Variants in ATP8A2 observed in about 807,000 individuals in gnomAD.
ATP8A2 encodes phospholipid-transporting ATPase IB.
A neutral mutation model predicts 165.6 loss-of-function variants in ATP8A2; 100 were observed. That is an observed-to-expected ratio of 0.60 (90% CI 0.51 to 0.71). ATP8A2 has a LOEUF of 0.71. Among genes scored for constraint, ATP8A2 ranks in the 30% least tolerant of loss-of-function variants. The pLI, the probability that ATP8A2 is intolerant of heterozygous loss-of-function variation, is 0.00. For synonymous variants in ATP8A2, 543 were observed against 548.8 expected, an observed-to-expected ratio of 0.99 and a Z score of 0.15; for missense variants, 1,227 against 1,479.5, an observed-to-expected ratio of 0.83 and a Z score of 2.80.
At chr13:25,465,715 C>CTTTCTTTCTTTCTTTT (rs1566153329) in intron 1 of ATP8A2, among the ~76,000 whole-genome samples, 1 of 42,292 alleles carries the variant, frequency 2.4e-5, no homozygotes. Flanking sequence ...TTCTTTCTTT[C>CTTTCTTTCTTTCTTTT]TTTCTTTCTT....
rs567939063 is a variant in ATP8A2 at position 25,950,723 on chromosome 13, G to A, written c.3184-10852G>A. Reference sequence around the variant, plus strand: ...ATTTTGTTTAACTAGTCAAGGGCAAGGGCAGTAGTGAGAAGTGGGGAAAGA... The same window carrying A: ...ATTTTGTTTAACTAGTCAAGGGCAAAGGCAGTAGTGAGAAGTGGGGAAAGA... On this transcript the variant is annotated intron_variant, in intron 33 of 36. Coordinates refer to ENST00000381655, the MANE Select transcript of ATP8A2 (RefSeq NM_016529.6). 2.0e-5 allele frequency: 3 copies of A among 152,318 alleles called. No homozygotes were observed. The South Asian group carries it at 6.2e-4, about 32-fold the overall frequency. The allele number at this position is 152,318 out of a possible 1,614,324, so 9.4% of individuals were successfully genotyped here. A position where few individuals can be genotyped will look rare whatever the true frequency, so the allele number is the denominator to read the frequency against.
At chr13:25,858,792 T>C (rs760248987) in intron 30 of ATP8A2, among the ~76,000 whole-genome samples, 41 of 152,054 alleles carry the variant, frequency 2.7e-4, no homozygotes, top group Admixed American at 9.2e-4. Context: ...TAAAACCAAA[T>C]GCCACATGTT....
At chr13:25,473,831 T>A (rs1164092927) in intron 2 of ATP8A2, among the ~76,000 whole-genome samples, 1 of 152,220 alleles carries the variant, frequency 6.6e-6, no homozygotes, top group Non-Finnish European at 1.5e-5. Context: ...GGTGGTGAAT[T>A]TTTAATTTTA....
chr13:25,387,000 A>AAG (rs2033078557), intron 1 of ATP8A2, among the ~76,000 whole-genome samples: 1 of 150,988 alleles, frequency 6.6e-6, no homozygotes, highest in Admixed American at 6.6e-5. Context: ...CCATCTCAAA[A>AAG]AAAACAGAAC....
intron 24 of ATP8A2, among the ~76,000 whole-genome samples, chr13:25,637,604 G>T (rs1593703004): frequency 6.6e-6 from 1 of 152,276 alleles, no homozygotes; most frequent in Middle Eastern, 3.4e-3. Context: ...AAACAAAGCG[G>T]CCAGGAAGCT....
At chr13:25,841,409 A>G (rs1238773910) in intron 30 of ATP8A2, among the ~76,000 whole-genome samples, 1 of 152,182 alleles carries the variant, frequency 6.6e-6, no homozygotes, top group Non-Finnish European at 1.5e-5. Context: ...TTGAGCCTTC[A>G]GCATAGGGGT....
intron 24 of ATP8A2, among the ~76,000 whole-genome samples, chr13:25,644,682 T>C (rs546174729): frequency 6.6e-6 from 1 of 152,162 alleles, no homozygotes; most frequent in African/African-American, 2.4e-5. Context: ...CATCTAGCCT[T>C]GGGATTTTCT....
chr13:25,372,404 C>G lies in ATP8A2; in HGVS notation c.76+116C>G. The G allele has an allele frequency of 1.5e-6, 1 of 682,170 alleles. No individual in the cohort carries two copies. The allele number at this position is 682,170 out of a possible 1,614,324, so 42.3% of individuals were successfully genotyped here. ...CGCCCCGCTCCCCTCCCTGGGCTCC[C>G]TGGGCTCTCTGGGCTGCAGGATCCG... is the stretch of plus-strand genomic sequence containing the variant. On this transcript the variant is annotated intron_variant, in intron 1 of 36. Coordinates refer to ENST00000381655, the MANE Select transcript of ATP8A2 (RefSeq NM_016529.6). The surrounding 1 kb of genome is among the most constrained non-coding windows in gnomAD (Gnocchi z 4.8).
intron 2 of ATP8A2, among the ~76,000 whole-genome samples, chr13:25,488,360 CT>C (rs1330711938): frequency 4.6e-5 from 7 of 152,194 alleles, no homozygotes; most frequent in African/African-American, 1.7e-4. Context: ...CACCGTTCTA[CT>C]TTCTGTCCCT....
At chr13:25,476,176 A>G (rs555621330) in intron 2 of ATP8A2, among the ~76,000 whole-genome samples, 1 of 152,304 alleles carries the variant, frequency 6.6e-6, no homozygotes, top group East Asian at 1.9e-4. Flanking sequence ...AGGATGAAGA[A>G]TTCTCCTCTA....
At chr13:25,992,301 A>G (rs562210762) in intron 35 of ATP8A2, among the ~76,000 whole-genome samples, 2 of 149,238 alleles carry the variant, frequency 1.3e-5, no homozygotes, top group East Asian at 2.0e-4. Context: ...GTGTTTTCCT[A>G]ATGGTTAATG....
chr13:25,408,724 T>C (rs2033881978), intron 1 of ATP8A2, among the ~76,000 whole-genome samples: 1 of 152,212 alleles, frequency 6.6e-6, no homozygotes, highest in African/African-American at 2.4e-5. Context: ...AGACTGTTTA[T>C]AGTTAGAGAC....
intron 2 of ATP8A2, among the ~76,000 whole-genome samples, chr13:25,512,729 G>A (rs1253134402): frequency 2.1e-5 from 3 of 145,710 alleles, no homozygotes; most frequent in Admixed American, 6.7e-5. Flanking sequence ...TGGCCGGGCG[G>A]GGGGCTGACC....
intron 33 of ATP8A2, among the ~76,000 whole-genome samples, chr13:25,897,109 A>G (rs953341848): frequency 3.3e-4 from 50 of 152,250 alleles, no homozygotes; most frequent in African/African-American, 1.1e-3. Context: ...TCGTTAGTTG[A>G]TGCAGTTTCT....
chr13:25,546,289 T>C (rs1357254223), intron 10 of ATP8A2, among the ~76,000 whole-genome samples: 1 of 152,214 alleles, frequency 6.6e-6, no homozygotes, highest in East Asian at 1.9e-4. Context: ...GCAAGGCTTC[T>C]TGCATGTTGA....
At chr13:25,609,060 A>G (rs1392793206) in intron 24 of ATP8A2, among the ~76,000 whole-genome samples, 3 of 152,142 alleles carry the variant, frequency 2.0e-5, no homozygotes, top group Non-Finnish European at 1.5e-5. Flanking sequence ...AGCCTTACCG[A>G]TTAGATTACA....
chr13:25,567,089 C>A, intron 16 of ATP8A2: 1 of 273,968 alleles, frequency 3.7e-6, no homozygotes, highest in Non-Finnish European at 7.3e-6. Flanking sequence ...CTCTGGGGAC[C>A]CCCTACATGC....
chr13:25,852,081 G>A (rs778287815), intron 30 of ATP8A2, among the ~76,000 whole-genome samples: 2 of 152,080 alleles, frequency 1.3e-5, no homozygotes, highest in South Asian at 2.1e-4. Flanking sequence ...TCAGTCTGAC[G>A]GGAGAGATGA....
chr13:25,579,877 A>G lies in ATP8A2; in HGVS notation c.1937A>G (p.Tyr646Cys), dbSNP rs2039724711. 6 of 1,614,076 alleles carry G rather than the reference A, an allele frequency of 3.7e-6. No individual in the cohort carries two copies. The highest frequency in any genetic ancestry group is 1.6e-4 in the Middle Eastern group (1 of 6,062). Residue 646 changes from tyrosine (Y) to cysteine (C), a missense_variant, in exon 22 of 37, where the codon TAT (tyrosine) becomes TGT (cysteine). Physicochemically the swap from Tyr to Cys is radical, Grantham distance 194 (BLOSUM62 -2). Around this residue, in one of 5 missense-constraint regions of ATP8A2, gnomAD observed 592 missense variants for 785.6 expected, o/e 0.75. Coordinates refer to ENST00000381655, the MANE Select transcript of ATP8A2 (RefSeq NM_016529.6). ...GAGTATGAGGAGTGGCTGAAAGTCT[A>G]TCAGGAAGCCAGCACCATATTGAAG... ...ENEYEEWLKV[Y>C]QEASTILKDR...
Sources: gnomAD v4.1 joint callset for allele counts (sites outside exome capture counted in the v4.1 genomes callset) on GRCh38, gnomAD v4.1.1 for gene constraint, gnomAD v4.1.1 regional missense constraint, Gnocchi (gnomAD v3.1) non-coding constraint, MANE v1.5 for transcripts, NCBI Gene and HGNC (gene_info 2026-07-23, HGNC 2026-07-21) for gene names.